WDR37: variants seen among roughly 807,000 people sequenced by gnomAD.
WDR37 encodes WD repeat domain 37, also known as WD repeat-containing protein 37.
A neutral mutation model predicts 62.9 loss-of-function variants in WDR37; 19 were observed. That is an observed-to-expected ratio of 0.30 (90% confidence interval 0.21 to 0.44). WDR37 has a LOEUF of 0.44. WDR37 is among the 20% of genes least tolerant of loss of function. The pLI is 1.00. For synonymous variants in WDR37, 250 were observed against 260.9 expected (o/e 0.96, Z 0.40); for missense variants, 474 against 657.6 (o/e 0.72, Z 3.05).
Position 1,077,917 on chromosome 10 carries a change from T to G in WDR37, c.149T>G (p.Leu50Arg), listed in dbSNP as rs1472199304. 6.2e-7 allele frequency: 1 copy of G among 1,610,040 alleles called. No individual in the cohort carries two copies. The highest frequency in any genetic ancestry group is 1.7e-5 in the Admixed American group (1 of 59,336). Reference sequence around the variant, plus strand: ...AGTCTTCTTCTGCAGGATTCTAAACTGCCTTCCTCGGTTCGCAGTACACTT... The same window carrying G: ...AGTCTTCTTCTGCAGGATTCTAAACGGCCTTCCTCGGTTCGCAGTACACTT... The part of the protein sequence containing the change: ...RDMLEGQDSK[L>R]PSSVRSTLLE... The change falls in exon 3 of 14, where the codon CTG (leucine) becomes CGG (arginine). Residue 50 changes from leucine (L) to arginine (R), a missense_variant. Transcript: ENST00000263150.
rs769669077 is a variant in WDR37 at position 1,129,383 on chromosome 10, A to G, written c.*39A>G. On this transcript the variant is annotated 3_prime_UTR_variant, in exon 14 of 14. Transcript: ENST00000263150. The stretch of plus-strand genomic sequence containing the variant: ...CCTTAGTTTCACTGTTTGCCAGCAC[A>G]GACCTTTGATGGGTGCAGGCTTTTC... The G allele has an allele frequency of 5.6e-6, 9 of 1,613,026 alleles. No homozygotes were observed. The highest frequency in any genetic ancestry group is 6.8e-6 in the Non-Finnish European group (8 of 1,179,184).
intron 11 of WDR37, among the ~76,000 whole-genome samples, chr10:1,115,473 A>C (rs1835361476): frequency 6.6e-6 from 1 of 152,260 alleles, no homozygotes; most frequent in Non-Finnish European, 1.5e-5. Context: ...TCATGTGCTC[A>C]GAAAGGTAAA....
Position 1,105,379 on chromosome 10 carries a change from CAAA to C in WDR37, c.1103+117_1103+119del. 7.6e-7 allele frequency: 1 copy of C among 1,314,932 alleles called. No homozygotes were observed. The highest frequency in any genetic ancestry group is 1.0e-6 in the Non-Finnish European group (1 of 971,958). The allele number at this position is 1,314,932 out of a possible 1,614,324, so 81.5% of individuals were successfully genotyped here. On this transcript the variant is annotated intron_variant, in intron 11 of 13. Coordinates refer to ENST00000263150, the MANE Select transcript of WDR37 (RefSeq NM_014023.4). The surrounding 1 kb of genome is among the most constrained non-coding windows in gnomAD (Gnocchi z 5.3). ...CAGTATTTCCGACTCTACTATCTTT[CAAA>C]AAAATAACTACCTTTCAAATTCTGC...
chr10:1,068,653 A>G (rs895506216), intron 1 of WDR37, among the ~76,000 whole-genome samples: 1 of 152,198 alleles, frequency 6.6e-6, no homozygotes, highest in Non-Finnish European at 1.5e-5. Context: ...ATGTAGAATG[A>G]AACAGCCACC....
intron 11 of WDR37, among the ~76,000 whole-genome samples, chr10:1,117,595 T>C (rs1198242338): frequency 1.3e-5 from 2 of 152,192 alleles, no homozygotes; most frequent in Non-Finnish European, 2.9e-5. Flanking sequence ...GCCATCAGGC[T>C]ATTGACACAT....
intron 5 of WDR37, among the ~76,000 whole-genome samples, chr10:1,081,384 A>C (rs1834023776): frequency 6.6e-6 from 1 of 152,244 alleles, no homozygotes; most frequent in African/African-American, 2.4e-5. Context: ...TGAAATTTTC[A>C]GTGATCTTGC....
chr10:1,077,928 G>C lies in WDR37; in HGVS notation c.160G>C (p.Val54Leu), dbSNP rs76988882. ...EGQDSKLPSS[V>L]RSTLLELFGQ... ...GCAGGATTCTAAACTGCCTTCCTCG[G>C]TTCGCAGTACACTTCTGGAACTGTT... The change falls in exon 3 of 14, where the codon GTT (valine) becomes CTT (leucine). Residue 54 changes from valine to leucine, a missense_variant. Physicochemically the swap from Val to Leu is conservative, Grantham distance 32. Coordinates refer to ENST00000263150, the MANE Select transcript of WDR37 (RefSeq NM_014023.4). The C allele has an allele frequency of 2.5e-5, 40 of 1,610,844 alleles. No homozygotes were observed. Among genetic ancestry groups the C allele is most frequent in the Middle Eastern group, 1.7e-4 (1 of 6,026 alleles).
intron 4 of WDR37, 92 bp from the exon 5 acceptor site, chr10:1,080,320 C>G (rs1833991755): frequency 6.5e-7 from 1 of 1,542,298 alleles, no homozygotes; most frequent in Non-Finnish European, 8.9e-7. Context: ...TCTGGGCCCC[C>G]TTTCTTCCTG....
intron 11 of WDR37, among the ~76,000 whole-genome samples, chr10:1,106,446 AG>A (rs1320198458): frequency 1.3e-5 from 2 of 152,254 alleles, no homozygotes; most frequent in Non-Finnish European, 2.9e-5. Flanking sequence ...GTTTAACGTT[AG>A]TTACTAAGTT....
In WDR37 at chr10:1,072,248, G is replaced by A. The variant is rs1289192113; in HGVS notation, c.93G>A (p.Ser31=). ...HSLSIRRTNS[S]EQERTGLPRD... is the part of the protein sequence containing the mutation. ...TTTCTATACGAAGAACTAACAGCTC[G>A]GAGCAGGAGAGGACGGGACTGCCAA... Residue 31 remains serine, a synonymous_variant, in exon 2 of 14, where the codon TCG becomes TCA. Transcript: ENST00000263150. 3.1e-6 allele frequency: 5 copies of A among 1,614,048 alleles called. No homozygotes were observed. Among genetic ancestry groups the A allele is most frequent in the African/African-American group, 1.3e-5 (1 of 74,908 alleles).
chr10:1,062,005 C>CT (rs113914265), intron 1 of WDR37, among the ~76,000 whole-genome samples: 84 of 144,064 alleles, frequency 5.8e-4, no homozygotes, highest in Admixed American at 1.1e-3. Flanking sequence ...TGGTCTTGAG[C>CT]TTTTTTTTTT....
chr10:1,057,184 G>T (rs1189784497), intron 1 of WDR37, among the ~76,000 whole-genome samples: 1 of 151,946 alleles, frequency 6.6e-6, no homozygotes, highest in Non-Finnish European at 1.5e-5. Flanking sequence ...GGGCCGTGGT[G>T]CAGAAGGGTT....
intron 2 of WDR37, chr10:1,074,545 G>C (rs1333165291): frequency 1.0e-5 from 13 of 1,303,194 alleles, no homozygotes; most frequent in Non-Finnish European, 1.1e-5. Context: ...CCTTCCCCCT[G>C]CCCTGGGCGG....
In WDR37 at chr10:1,093,594, T is replaced by C. The variant is rs947112369; in HGVS notation, c.649+98T>C. The C allele has an allele frequency of 1.3e-5, 13 of 1,020,008 alleles. No homozygotes were observed. The African/African-American group carries it at 2.1e-4, about 17-fold the overall frequency. 63.2% of individuals were successfully genotyped at this position (1,020,008 alleles called of 1,614,324 possible). A position where few individuals can be genotyped will look rare whatever the true frequency, so the allele number is the denominator to read the frequency against. On this transcript the variant is annotated intron_variant, in intron 8 of 13. Coordinates refer to ENST00000263150, the MANE Select transcript of WDR37 (RefSeq NM_014023.4). ...TCGTAGCAGAATAATCCATGGCTTT[T>C]ATGAAAGTTAATCTTTAGTAGACAT...
intron 7 of WDR37, among the ~76,000 whole-genome samples, chr10:1,088,185 CCCA>C (rs1189069588): frequency 6.6e-6 from 1 of 152,160 alleles, no homozygotes; most frequent in African/African-American, 2.4e-5. Flanking sequence ...TTAATCAGTC[CCCA>C]CCACTCAAAC....
chr10:1,091,932 G>A (rs1283938116), intron 7 of WDR37, among the ~76,000 whole-genome samples: 2 of 152,112 alleles, frequency 1.3e-5, no homozygotes, highest in Admixed American at 6.5e-5. Context: ...TGTAATCCTA[G>A]CACTTTGGGA....
At chr10:1,077,672 A>G (rs1403116687) in intron 2 of WDR37, among the ~76,000 whole-genome samples, 1 of 152,218 alleles carries the variant, frequency 6.6e-6, no homozygotes, top group African/African-American at 2.4e-5. Context: ...GTTATTTTGA[A>G]GGAGTGTTTA....
chr10:1,095,626 C>T (rs546197387), intron 8 of WDR37, among the ~76,000 whole-genome samples: 21 of 152,202 alleles, frequency 1.4e-4, no homozygotes, highest in African/African-American at 4.3e-4. Flanking sequence ...GAGGCCTGTT[C>T]TGTGCCCCGC....
In WDR37 at chr10:1,096,185, C is replaced by A; in HGVS notation, c.665C>A (p.Thr222Asn). 2 of 1,614,162 alleles carry A rather than the reference C, an allele frequency of 1.2e-6. No individual in the cohort carries two copies. The highest frequency in any genetic ancestry group is 1.7e-6 in the Non-Finnish European group (2 of 1,180,024). ...CTCTCTTCAGCTTCTGGAGATCAGA[C>A]TGCTCATATCTGGAGATACGCGGTG... Reference protein sequence around the residue: ...QLALTASGDQTAHIWRYAVQL... With the variant: ...QLALTASGDQNAHIWRYAVQL... The change falls in exon 9 of 14, where the codon ACT becomes AAT. Residue 222 changes from threonine to asparagine, a missense_variant. Physicochemically the swap from Thr to Asn is moderately conservative, Grantham distance 65 (BLOSUM62 0). Coordinates refer to ENST00000263150, the MANE Select transcript of WDR37 (RefSeq NM_014023.4).
Sources: gnomAD v4.1 joint callset for allele counts (sites outside exome capture counted in the v4.1 genomes callset) on GRCh38, gnomAD v4.1.1 for gene constraint, Gnocchi (gnomAD v3.1) non-coding constraint, MANE v1.5 for transcripts, NCBI Gene and HGNC (gene_info 2026-07-23, HGNC 2026-07-21) for gene names.